The following PTPRD variants were observed in gnomAD, a reference collection of about 807,000 sequenced individuals.
PTPRD encodes receptor-type tyrosine-protein phosphatase delta.
In PTPRD, 34 loss-of-function variants were observed where a neutral mutation model predicts 214.5. The ratio of observed to expected loss-of-function variants is 0.16; its 90% CI spans 0.12 to 0.21. The LOEUF (loss-of-function observed/expected upper bound fraction) is 0.21. Among genes scored for constraint, PTPRD ranks in the 10% least tolerant of loss-of-function variants. PTPRD has a pLI of 1.00. For missense variants in PTPRD, 2,545 were observed against 2,398.7 expected, an observed-to-expected ratio of 1.06 and a Z score of -1.27; for synonymous variants, 1,128 against 845.7, an observed-to-expected ratio of 1.33 and a Z score of -5.79.
At chr9:10,144,088 A>G (rs2099006392) in intron 3 of PTPRD, among the ~76,000 whole-genome samples, 1 of 152,126 alleles carries the variant, frequency 6.6e-6, no homozygotes, top group Admixed American at 6.6e-5. Flanking sequence ...AACATTTCCA[A>G]TTACTAAAGA....
chr9:10,074,210 TA>T (rs1318499459), intron 3 of PTPRD, among the ~76,000 whole-genome samples: 2 of 152,116 alleles, frequency 1.3e-5, no homozygotes, highest in Admixed American at 6.6e-5. Context: ...TTGGCCTGCT[TA>T]TGTGCCATTT....
chr9:8,771,180 C>CAAAAAAAAAAAAAAAA (rs35840345), intron 11 of PTPRD, among the ~76,000 whole-genome samples: 20 of 141,086 alleles, frequency 1.4e-4, no homozygotes, highest in African/African-American at 4.1e-4. Context: ...GATTCCGTCT[C>CAAAAAAAAAAAAAAAA]AAAAAAAAAA....
intron 11 of PTPRD, among the ~76,000 whole-genome samples, chr9:8,856,375 G>A (rs72704330): frequency 0.13 from 19,119 of 152,102 alleles, 1,470 homozygotes; most frequent in East Asian, 0.23. Context: ...ATGCGCTACA[G>A]GATGGTTAGA....
At chr9:10,278,875 A>T (rs183293553) in intron 3 of PTPRD, among the ~76,000 whole-genome samples, 4 of 152,034 alleles carry the variant, frequency 2.6e-5, no homozygotes, top group Admixed American at 6.5e-5. Flanking sequence ...CCTTGGTTCA[A>T]GCCATTCTCC....
intron 7 of PTPRD, among the ~76,000 whole-genome samples, chr9:9,694,909 T>C (rs2154406691): frequency 6.6e-6 from 1 of 152,292 alleles, no homozygotes; most frequent in East Asian, 1.9e-4. Flanking sequence ...TCCAAGAGCC[T>C]AAGCCTGGAC....
intron 3 of PTPRD, among the ~76,000 whole-genome samples, chr9:10,130,460 T>C (rs1055143410): frequency 5.3e-5 from 8 of 152,228 alleles, no homozygotes; most frequent in African/African-American, 7.2e-5. Flanking sequence ...TCTATAGTTA[T>C]TGAAAATATT....
chr9:9,234,692 T>C (rs1398434253), intron 9 of PTPRD, among the ~76,000 whole-genome samples: 2 of 152,182 alleles, frequency 1.3e-5, no homozygotes, highest in Non-Finnish European at 2.9e-5. Flanking sequence ...AGGGGCAAAA[T>C]GCCTTCAGTC....
intron 3 of PTPRD, among the ~76,000 whole-genome samples, chr9:10,177,965 A>G (rs1285756675): frequency 1.3e-5 from 2 of 151,936 alleles, no homozygotes; most frequent in Non-Finnish European, 2.9e-5. Context: ...GTCCAGAGAT[A>G]GGTGGCTAGT....
In PTPRD at chr9:9,587,926, A is replaced by G. The variant is rs371580421; in HGVS notation, c.-286-13145T>C. On this transcript the variant is annotated intron_variant, in intron 7 of 45. Transcript: ENST00000381196. ...ACATAGTTAGAAGAAATAAGTTTTA[A>G]TGTTGGTTAGCCGACTAAAGTGACT... Among the ~76,000 whole-genome samples the G allele has an allele frequency of 3.3e-5, 5 of 151,986 alleles. No individual in the cohort carries two copies. The East Asian group carries it at 5.8e-4, about 18-fold the overall frequency.
intron 5 of PTPRD, among the ~76,000 whole-genome samples, chr9:9,819,369 A>T (rs140687618): frequency 1.3e-5 from 2 of 152,168 alleles, no homozygotes; most frequent in African/African-American, 4.8e-5. Context: ...ACTTTGGCGG[A>T]GGTTTAATAA....
At chr9:9,196,088 G>A (rs2099938432) in intron 9 of PTPRD, among the ~76,000 whole-genome samples, 1 of 152,114 alleles carries the variant, frequency 6.6e-6, no homozygotes, top group Non-Finnish European at 1.5e-5. Context: ...TTACTTATGT[G>A]AGGACTTAGC....
At position 8,501,034 on chromosome 9, in the gene PTPRD, A is replaced by G; in HGVS notation, c.1848T>C (p.Ile616=). The G allele has an allele frequency of 1.2e-6, 2 of 1,613,876 alleles. No individual in the cohort carries two copies. Among genetic ancestry groups the G allele is most frequent in the Non-Finnish European group, 1.7e-6 (2 of 1,179,822 alleles). ...QSKPSAPPQD[I]SCTSPSSTSI... is the part of the protein sequence containing the mutation. ...TAGTGGAACTTGGGCTGGTGCAACT[A>G]ATGTCTTGAGGAGGAGCTGACGGCT... Residue 616 remains isoleucine, a synonymous_variant, in exon 24 of 46, where the codon ATT becomes ATC. Coordinates refer to ENST00000381196, the MANE Select transcript of PTPRD (RefSeq NM_002839.4).
intron 5 of PTPRD, among the ~76,000 whole-genome samples, chr9:9,889,235 T>C (rs988919980): frequency 6.6e-6 from 1 of 152,104 alleles, no homozygotes; most frequent in South Asian, 2.1e-4. Flanking sequence ...ATATATTGTA[T>C]TCTTGAAAAA....
At chr9:10,479,768 C>T (rs921878763) in intron 2 of PTPRD, among the ~76,000 whole-genome samples, 1 of 151,844 alleles carries the variant, frequency 6.6e-6, no homozygotes, top group East Asian at 1.9e-4. Context: ...CTGCAGTGGG[C>T]CTTGATTACA....
At chr9:8,547,406 G>A (rs2080504214) in intron 14 of PTPRD, among the ~76,000 whole-genome samples, 1 of 152,120 alleles carries the variant, frequency 6.6e-6, no homozygotes, top group African/African-American at 2.4e-5. Flanking sequence ...ACTTTGGGAG[G>A]CCAAGGTGGG....
intron 11 of PTPRD, among the ~76,000 whole-genome samples, chr9:8,809,924 G>A (rs1296634049): frequency 6.6e-6 from 1 of 152,164 alleles, no homozygotes; most frequent in East Asian, 1.9e-4. Context: ...GATGTCATAA[G>A]AGATAAGCTC....
At chr9:10,451,961 T>C (rs1479980637) in intron 2 of PTPRD, among the ~76,000 whole-genome samples, 1 of 151,990 alleles carries the variant, frequency 6.6e-6, no homozygotes, top group African/African-American at 2.4e-5. Flanking sequence ...GAAGCAAATA[T>C]GAAAGCCTAC....
chr9:9,346,524 A>T (rs1289834999), intron 9 of PTPRD, among the ~76,000 whole-genome samples: 1 of 152,158 alleles, frequency 6.6e-6, no homozygotes, highest in African/African-American at 2.4e-5. Flanking sequence ...AAATTTGAAA[A>T]GATGGAAGAT....
chr9:8,682,029 T>A (rs2097560611), intron 12 of PTPRD, among the ~76,000 whole-genome samples: 1 of 152,112 alleles, frequency 6.6e-6, no homozygotes, highest in Non-Finnish European at 1.5e-5. Flanking sequence ...CCCTTAAATA[T>A]GAAAAATCAC....
Sources: gnomAD v4.1 joint callset for allele counts (sites outside exome capture counted in the v4.1 genomes callset) on GRCh38, gnomAD v4.1.1 for gene constraint, MANE v1.5 for transcripts, NCBI Gene and HGNC (gene_info 2026-07-23, HGNC 2026-07-21) for gene names.